MPDZ: variants seen among roughly 807,000 people sequenced by gnomAD.
MPDZ encodes the protein multiple PDZ domain crumbs cell polarity complex component, also known as multiple PDZ domain protein.
In MPDZ, 234 loss-of-function variants were observed where a neutral mutation model predicts 239.1. The observed-to-expected ratio is 0.98, with a 90% CI of 0.88 to 1.09. The LOEUF is 1.09. Among genes scored for constraint, MPDZ ranks in the 50% least tolerant of loss-of-function variants. The pLI is 0.00. For missense variants in MPDZ, 3,175 were observed against 2,510.0 expected (o/e 1.26, Z -5.66); for synonymous variants, 1,048 against 881.3 (o/e 1.19, Z -3.35).
chr9:13,179,946 G>A (rs1953055910), intron 19 of MPDZ, among the ~76,000 whole-genome samples: 1 of 151,960 alleles, frequency 6.6e-6, no homozygotes, highest in Non-Finnish European at 1.5e-5. Flanking sequence ...AAAATAGATT[G>A]CAACCAAAGC....
intron 12 of MPDZ, among the ~76,000 whole-genome samples, chr9:13,200,526 G>A (rs935349544): frequency 3.9e-5 from 6 of 151,904 alleles, no homozygotes; most frequent in African/African-American, 1.4e-4. Context: ...TTTGAAGTCT[G>A]TCTTCTTTTT....
intron 20 of MPDZ, 43 bp downstream of exon 20, chr9:13,176,093 C>A: frequency 6.6e-7 from 1 of 1,511,882 alleles, no homozygotes; most frequent in East Asian, 2.4e-5. Flanking sequence ...TTCACTATTC[C>A]CTATCTCATC....
At chr9:13,120,278 A>C (rs924369113) in intron 38 of MPDZ, 1 of 152,276 alleles carries the variant, frequency 6.6e-6, no homozygotes, top group African/African-American at 2.4e-5. Context: ...ACTTCTAAAG[A>C]TACGAAGATA....
Position 13,194,400 on chromosome 9 carries a change from C to T in MPDZ, c.1657-1087G>A, listed in dbSNP as rs1310652082. Among the ~76,000 whole-genome samples the T allele has an allele frequency of 3.9e-5, 6 of 151,978 alleles. No individual in the cohort carries two copies. In the East Asian group the frequency reaches 1.2e-3, roughly 29 times the overall value. Reference sequence around the variant, plus strand: ...AATTAGTTCATGTCCTTTGCAGGGACATGGATGAAGCTAGAAGCCATCACT... The same window carrying T: ...AATTAGTTCATGTCCTTTGCAGGGATATGGATGAAGCTAGAAGCCATCACT... On this transcript the variant is annotated intron_variant, in intron 13 of 46. Coordinates refer to ENST00000319217, the MANE Select transcript of MPDZ (RefSeq NM_001378778.1).
At chr9:13,142,014 A>C (rs577153037) in intron 27 of MPDZ, among the ~76,000 whole-genome samples, 1 of 152,286 alleles carries the variant, frequency 6.6e-6, no homozygotes, top group African/African-American at 2.4e-5. Context: ...ATCAAGTTTC[A>C]TTATCATAGT....
At chr9:13,150,711 A>C (rs1181070906) in intron 24 of MPDZ, 23 bp from the exon 25 acceptor site, 1 of 1,299,128 alleles carries the variant, frequency 7.7e-7, no homozygotes, top group African/African-American at 1.5e-5. Flanking sequence ...TAAAATTTTC[A>C]ACTCTTAGGA....
chr9:13,202,409 A>G (rs1956490575), intron 12 of MPDZ, among the ~76,000 whole-genome samples: 1 of 152,164 alleles, frequency 6.6e-6, no homozygotes, highest in Non-Finnish European at 1.5e-5. Flanking sequence ...GAGCACCAGG[A>G]TTTTGTAGAA....
Position 13,223,659 on chromosome 9 carries a change from C to T in MPDZ, c.445G>A (p.Gly149Arg), listed in dbSNP as rs1959537295. 6.2e-7 allele frequency: 1 copy of T among 1,611,844 alleles called. No homozygotes were observed. The highest frequency in any genetic ancestry group is 2.2e-5 in the East Asian group (1 of 44,684). The change falls in exon 5 of 47, where the codon GGG becomes AGG. Residue 149 changes from glycine (G) to arginine (R), a missense_variant. Transcript: ENST00000319217. Reference protein sequence around the residue: ...ELLKPPSGGLGFSVVGLRSEN... With the variant: ...ELLKPPSGGLRFSVVGLRSEN... The stretch of plus-strand genomic sequence containing the variant: ...CTTCTTAGTCCCACAACACTAAACC[C>T]AAGGCCTCCAGATGGAGGTTTGAGG...
intron 24 of MPDZ, among the ~76,000 whole-genome samples, chr9:13,155,475 C>A (rs1035665907): frequency 6.6e-6 from 1 of 151,932 alleles, no homozygotes; most frequent in African/African-American, 2.4e-5. Flanking sequence ...TGAAATGCAA[C>A]ACAACAACTA....
intron 3 of MPDZ, among the ~76,000 whole-genome samples, chr9:13,229,155 T>C (rs1392142790): frequency 1.3e-5 from 2 of 152,138 alleles, no homozygotes; most frequent in African/African-American, 2.4e-5. Context: ...CAGAGTAACC[T>C]TTCCACTGAG....
chr9:13,269,128 G>T (rs1001580126), intron 1 of MPDZ, among the ~76,000 whole-genome samples: 2 of 152,140 alleles, frequency 1.3e-5, no homozygotes, highest in African/African-American at 4.8e-5. Context: ...GTGACCAGTT[G>T]GTAACTGTTA....
chr9:13,147,128 C>A (rs530263758), intron 26 of MPDZ, among the ~76,000 whole-genome samples: 2 of 152,070 alleles, frequency 1.3e-5, no homozygotes, highest in East Asian at 3.9e-4. Flanking sequence ...TATGGGATTG[C>A]ATAAGTAGGA....
At chr9:13,202,490 A>C (rs956080729) in intron 12 of MPDZ, among the ~76,000 whole-genome samples, 5 of 152,204 alleles carry the variant, frequency 3.3e-5, no homozygotes, top group African/African-American at 1.2e-4. Flanking sequence ...CAGTATCTTC[A>C]ACATGGCGTA....
At chr9:13,130,924 T>A (rs908401851) in intron 32 of MPDZ, among the ~76,000 whole-genome samples, 1 of 152,146 alleles carries the variant, frequency 6.6e-6, no homozygotes, top group African/African-American at 2.4e-5. Flanking sequence ...AAATGGGACT[T>A]GGAGGCAGAA....
chr9:13,190,287 G>C lies in MPDZ; in HGVS notation c.1981C>G (p.Leu661Val). The change falls in exon 16 of 47, where the codon CTA becomes GTA. Residue 661 changes from leucine to valine, a missense_variant. By Grantham distance (32) the Leu-to-Val change is conservative. Coordinates refer to ENST00000319217, the MANE Select transcript of MPDZ (RefSeq NM_001378778.1). ...IELTEKPHVD[L>V]GEFIGSSETE... The stretch of plus-strand genomic sequence containing the variant: ...TCTGATGACCCGATGAACTCACCTA[G>C]ATCTACGTGAGGCTGGATAATATCA... 1 of 1,585,350 alleles carries C rather than the reference G, an allele frequency of 6.3e-7. No homozygotes were observed. Among genetic ancestry groups the C allele is most frequent in the Non-Finnish European group, 8.6e-7 (1 of 1,166,486 alleles).
intron 22 of MPDZ, among the ~76,000 whole-genome samples, chr9:13,166,894 G>A (rs1228740282): frequency 6.6e-6 from 1 of 152,122 alleles, no homozygotes; most frequent in Non-Finnish European, 1.5e-5. Flanking sequence ...CCAAACTGGT[G>A]TCACAATGGT....
intron 10 of MPDZ, among the ~76,000 whole-genome samples, chr9:13,208,729 A>G (rs1291515003): frequency 6.6e-6 from 1 of 151,200 alleles, no homozygotes; most frequent in East Asian, 1.9e-4. Context: ...AGAAAGAGGG[A>G]AAATGAGTAG....
At chr9:13,179,760 T>C (rs943157389) in intron 19 of MPDZ, among the ~76,000 whole-genome samples, 6 of 152,184 alleles carry the variant, frequency 3.9e-5, no homozygotes, top group Non-Finnish European at 7.4e-5. Context: ...ATGTCAAATA[T>C]ACTTTTTAAA....
rs1165150012 is a variant in MPDZ, at chr9:13,222,240, G to C, written c.740C>G (p.Ser247Cys). 2 of 1,611,988 alleles carry C rather than the reference G, an allele frequency of 1.2e-6. No homozygotes were observed. The highest frequency in any genetic ancestry group is 1.7e-6 in the Non-Finnish European group (2 of 1,178,806). ...AAAATTTTAGGTACTCACCGGATTAGAGTGAGCTGAAATTGTGCTGGCTGC... is the reference window on the plus strand; with the variant it reads ...AAAATTTTAGGTACTCACCGGATTACAGTGAGCTGAAATTGTGCTGGCTGC... ...PSAASTISAH[S>C]NPVHWQHMET... is the part of the protein sequence containing the mutation. The change falls in exon 6 of 47, where the codon TCT becomes TGT. Residue 247 changes from serine (S) to cysteine (C), a missense_variant. By Grantham distance (112) the Ser-to-Cys change is moderately radical. Coordinates refer to ENST00000319217, the MANE Select transcript of MPDZ (RefSeq NM_001378778.1).
Sources: allele counts gnomAD v4.1 joint callset (sites outside exome capture counted in the v4.1 genomes callset), GRCh38; gene constraint gnomAD v4.1.1; transcripts MANE v1.5; gene names NCBI Gene and HGNC (gene_info 2026-07-23, HGNC 2026-07-21).